The following NR4A3 variants were observed in gnomAD, a reference collection of about 807,000 sequenced individuals.
The protein encoded by NR4A3 is nuclear receptor subfamily 4 group A member 3.
NR4A3 carries 13 observed loss-of-function variants against 55.6 expected under a neutral mutation model. That is an observed-to-expected ratio of 0.23 (90% confidence interval 0.15 to 0.37). The LOEUF (loss-of-function observed/expected upper bound fraction) is 0.37, where lower values mean the gene tolerates loss of function less well. NR4A3 is among the 10% of genes least tolerant of loss of function. The pLI is 1.00. For synonymous variants in NR4A3, 342 were observed against 357.9 expected (o/e 0.96, Z 0.50); for missense variants, 646 against 822.8 (o/e 0.79, Z 2.63).
chr9:99,852,530 C>G (rs1283611760), intron 7 of NR4A3, among the ~76,000 whole-genome samples: 1 of 152,162 alleles, frequency 6.6e-6, no homozygotes, highest in Non-Finnish European at 1.5e-5. Context: ...GACCTAACCT[C>G]AGAGCAAAAC....
chr9:99,862,080 C>A (rs528111983), intron 7 of NR4A3, among the ~76,000 whole-genome samples: 4 of 148,472 alleles, frequency 2.7e-5, no homozygotes, highest in African/African-American at 1.0e-4. Flanking sequence ...GGCAAGAGAG[C>A]AAGACCATGA....
Position 99,863,873 on chromosome 9 carries a change from A to G in NR4A3, c.*6A>G, listed in dbSNP as rs769116508. ...TGGACACCCTACCTTTCTAATCAGG[A>G]GCAGTGGAGCAGTGAGCTGCCTCCT... On this transcript the variant is annotated 3_prime_UTR_variant, in exon 8 of 8. Coordinates refer to ENST00000395097, the MANE Select transcript of NR4A3 (RefSeq NM_006981.4). The G allele has an allele frequency of 1.2e-6, 2 of 1,607,850 alleles. No homozygotes were observed. Among genetic ancestry groups the G allele is most frequent in the Admixed American group, 1.7e-5 (1 of 59,708 alleles).
At chr9:99,843,528 A>G (rs1378178057) in intron 5 of NR4A3, among the ~76,000 whole-genome samples, 1 of 152,154 alleles carries the variant, frequency 6.6e-6, no homozygotes, top group Admixed American at 6.5e-5. Flanking sequence ...TTGATAAGAC[A>G]GTTTGGTGGG....
intron 5 of NR4A3, among the ~76,000 whole-genome samples, chr9:99,836,663 C>T (rs1827564745): frequency 6.6e-6 from 1 of 152,220 alleles, no homozygotes; most frequent in Non-Finnish European, 1.5e-5. Flanking sequence ...AGGAGGGGGG[C>T]CTCTTCCCGC....
chr9:99,823,619 G>A (rs1223539846), intron 1 of NR4A3, among the ~76,000 whole-genome samples: 1 of 152,098 alleles, frequency 6.6e-6, no homozygotes, highest in East Asian at 1.9e-4. Flanking sequence ...GCCTAACGTG[G>A]CTGATGGGCA....
intron 7 of NR4A3, among the ~76,000 whole-genome samples, chr9:99,857,503 G>A (rs1395630787): frequency 1.3e-5 from 2 of 152,026 alleles, no homozygotes; most frequent in African/African-American, 4.8e-5. Flanking sequence ...ATAAGTGGTC[G>A]AGGCCAGGGG....
chr9:99,828,660 C>A lies in NR4A3; in HGVS notation c.618C>A (p.Ala206=), dbSNP rs1827368875. ...CGCATCCCCCCGCGCCCAGCCCGGCCGGCGGCCACCACCTCGGCTACGACC... is the reference window on the plus strand; with the variant it reads ...CGCATCCCCCCGCGCCCAGCCCGGCAGGCGGCCACCACCTCGGCTACGACC... ...SPPHPPAPSP[A]GGHHLGYDPT... is the part of the protein sequence containing the mutation. The change falls in exon 3 of 8, where the codon GCC becomes GCA. Residue 206 remains alanine (A), a synonymous_variant. Coordinates refer to ENST00000395097, the MANE Select transcript of NR4A3 (RefSeq NM_006981.4). The surrounding 1 kb of genome is among the most constrained non-coding windows in gnomAD (Gnocchi z 7.7). 2 of 1,419,568 alleles carry A rather than the reference C, an allele frequency of 1.4e-6. No individual in the cohort carries two copies. The highest frequency in any genetic ancestry group is 3.0e-5 in the African/African-American group (2 of 66,482). 87.9% of individuals were successfully genotyped at this position (1,419,568 alleles called of 1,614,324 possible).
Position 99,844,828 on chromosome 9 carries a change from T to G in NR4A3, c.1434T>G (p.Phe478Leu). ...TTGAATCAGCCTTTTTGGAGCTGTT[T>G]GTCCTCAGACTTTCCATCAGGTAAT... ...LLIESAFLEL[F>L]VLRLSIRSNT... The change falls in exon 6 of 8, where the codon TTT (phenylalanine) becomes TTG (leucine). Residue 478 changes from phenylalanine (F) to leucine (L), a missense_variant. Coordinates refer to ENST00000395097, the MANE Select transcript of NR4A3 (RefSeq NM_006981.4). 6.2e-7 allele frequency: 1 copy of G among 1,614,104 alleles called. No individual in the cohort carries two copies. The highest frequency in any genetic ancestry group is 1.3e-5 in the African/African-American group (1 of 75,078).
chr9:99,842,786 G>C (rs1827678643), intron 5 of NR4A3, among the ~76,000 whole-genome samples: 2 of 152,120 alleles, frequency 1.3e-5, no homozygotes, highest in African/African-American at 4.8e-5. Context: ...TAGCTAGGAG[G>C]GGTAAAACTT....
rs59274273 is a variant in NR4A3, at chr9:99,862,549, C to CAAAAAAAAAAAAAAAAAAAAAAA, written c.1634-1059_1634-1037dup. On this transcript the variant is annotated intron_variant, in intron 7 of 7. Transcript: ENST00000395097. ...TAGGCAACAGAGTAAGACTCTGTCT[C>CAAAAAAAAAAAAAAAAAAAAAAA]AAAAAAAAAAAAAAAAAAAAAAAAA... 7.8e-4 allele frequency among the ~76,000 whole-genome samples: 57 copies of CAAAAAAAAAAAAAAAAAAAAAAA among 72,806 alleles called. 2 individuals carry two copies. Among genetic ancestry groups the CAAAAAAAAAAAAAAAAAAAAAAA allele is most frequent in the South Asian group, 1.6e-3 (2 of 1,242 alleles). 47.8% of individuals were successfully genotyped at this position (72,806 alleles called of 152,430 possible).
At chr9:99,830,571 G>A (rs907616387) in intron 3 of NR4A3, among the ~76,000 whole-genome samples, 4 of 152,180 alleles carry the variant, frequency 2.6e-5, no homozygotes, top group South Asian at 2.1e-4. Flanking sequence ...ACTGCAATAC[G>A]TTAAGTGCCC....
rs753694307 is a variant in NR4A3, at chr9:99,847,505, G to C, written c.1523G>C (p.Arg508Pro). 3.0e-5 allele frequency: 48 copies of C among 1,614,004 alleles called. No individual in the cohort carries two copies. Among genetic ancestry groups the C allele is most frequent in the Non-Finnish European group, 4.0e-5 (47 of 1,180,020 alleles). ...GLVLHRLQCL[R>P]GFGEWLDSIK... Reference sequence around the variant, plus strand: ...GTCCTGCATCGACTTCAGTGCCTTCGTGGATTTGGGGAGTGGCTCGACTCT... The same window carrying C: ...GTCCTGCATCGACTTCAGTGCCTTCCTGGATTTGGGGAGTGGCTCGACTCT... Residue 508 changes from arginine (R) to proline (P), a missense_variant, in exon 7 of 8, where the codon CGT becomes CCT. By Grantham distance (103) the Arg-to-Pro change is moderately radical. This residue lies in a region of NR4A3 where 163 missense variants were observed against 233.0 expected (regional missense o/e 0.70). Coordinates refer to ENST00000395097, the MANE Select transcript of NR4A3 (RefSeq NM_006981.4).
At chr9:99,826,873 T>C in intron 2 of NR4A3, 1 of 1,434,980 alleles carries the variant, frequency 7.0e-7, no homozygotes, top group Non-Finnish European at 9.8e-7. Flanking sequence ...CACCATAGAC[T>C]CCAAAGAGGC....
At chr9:99,827,294 A>G (rs73654144) in intron 2 of NR4A3, among the ~76,000 whole-genome samples, 1,875 of 149,718 alleles carry the variant, frequency 0.013, 18 homozygotes, top group South Asian at 0.059. Flanking sequence ...GTGTGTGTAT[A>G]TATATATATA....
At chr9:99,850,186 G>A (rs1827823526) in intron 7 of NR4A3, among the ~76,000 whole-genome samples, 1 of 152,178 alleles carries the variant, frequency 6.6e-6, no homozygotes, top group Non-Finnish European at 1.5e-5. Context: ...AGAACAACGA[G>A]GATCCACAGG....
rs1828053656 is a variant in NR4A3, at chr9:99,864,127, G to A, written c.*260G>A. ...TGGGAGGGGGTTATAGTTCATGAGG[G>A]TTTTCTAAGAAATTGCTAACAAAGC... On this transcript the variant is annotated 3_prime_UTR_variant, in exon 8 of 8. Transcript: ENST00000395097. 1 of 377,972 alleles carries A rather than the reference G, an allele frequency of 2.6e-6. No homozygotes were observed. The highest frequency in any genetic ancestry group is 4.8e-6 in the Non-Finnish European group (1 of 209,482). 23.4% of individuals were successfully genotyped at this position (377,972 alleles called of 1,614,324 possible).
chr9:99,845,248 C>T (rs1216568186), intron 6 of NR4A3, among the ~76,000 whole-genome samples: 1 of 152,180 alleles, frequency 6.6e-6, no homozygotes, highest in Non-Finnish European at 1.5e-5. Flanking sequence ...ATTGTATTTA[C>T]CTCGTGGGTT....
rs112186429 is a variant in NR4A3, at chr9:99,845,463, T to G, written c.1454+615T>G. Among the ~76,000 whole-genome samples, 348 of 152,322 alleles carry G rather than the reference T, an allele frequency of 2.3e-3. 2 individuals carry two copies. Among genetic ancestry groups the G allele is most frequent in the African/African-American group, 7.9e-3 (327 of 41,566 alleles). ...TTGGATCTAAGCTCCTCTAGTAAGT[T>G]CCACATGTAGATTTTTTAAAGTTTA... On this transcript the variant is annotated intron_variant, in intron 6 of 7. Coordinates refer to ENST00000395097, the MANE Select transcript of NR4A3 (RefSeq NM_006981.4).
chr9:99,826,493 C>T (rs570687509), intron 2 of NR4A3, among the ~76,000 whole-genome samples: 9 of 152,198 alleles, frequency 5.9e-5, no homozygotes, highest in Non-Finnish European at 1.2e-4. Flanking sequence ...AGGGATTGGC[C>T]GGAAAGAATG....
Sources: gnomAD v4.1 joint callset for allele counts (sites outside exome capture counted in the v4.1 genomes callset) on GRCh38, gnomAD v4.1.1 for gene constraint, gnomAD v4.1.1 regional missense constraint, Gnocchi (gnomAD v3.1) non-coding constraint, MANE v1.5 for transcripts, NCBI Gene and HGNC (gene_info 2026-07-23, HGNC 2026-07-21) for gene names.